AGXT2: variants seen among roughly 807,000 people sequenced by gnomAD.
AGXT2 encodes the protein alanine--glyoxylate aminotransferase 2, also known as alanine--glyoxylate aminotransferase 2, mitochondrial.
In AGXT2, 61 loss-of-function variants were observed where a neutral mutation model predicts 62.5. That is an observed-to-expected ratio of 0.98 (90% CI 0.79 to 1.21). The LOEUF is 1.21. AGXT2 is among the 50% of genes most tolerant of loss of function. The pLI is 0.00. For missense variants in AGXT2, 666 were observed against 641.5 expected (o/e 1.04, Z -0.41); for synonymous variants, 243 against 218.7 (o/e 1.11, Z -0.98).
chr5:35,047,527 A>AC (rs1768286155), intron 1 of AGXT2, among the ~76,000 whole-genome samples: 1 of 152,220 alleles, frequency 6.6e-6, no homozygotes, highest in Non-Finnish European at 1.5e-5. Context: ...GGTTTTTAAA[A>AC]ATATTGAAGC....
At position 35,035,286 on chromosome 5, in the gene AGXT2, C is replaced by T. The variant is rs1767719470; in HGVS notation, c.517G>A (p.Ala173Thr). Reference protein sequence around the residue: ...VIFLVNSGSEANELAMLMARA... With the variant: ...VIFLVNSGSETNELAMLMARA... ...GCCATCAGCATGGCCAGCTCATTGG[C>T]TTCTGAGCCACTGTTCACCAAGAAA... The change falls in exon 5 of 14, where the codon GCC (alanine) becomes ACC (threonine). Residue 173 changes from alanine to threonine, a missense_variant. By Grantham distance (58) the Ala-to-Thr change is moderately conservative (BLOSUM62 0). Transcript: ENST00000231420. 6.2e-7 allele frequency: 1 copy of T among 1,614,022 alleles called. No individual in the cohort carries two copies. The highest frequency in any genetic ancestry group is 8.5e-7 in the Non-Finnish European group (1 of 1,179,984).
intron 7 of AGXT2, chr5:35,027,040 G>A (rs1580596205): frequency 1.0e-6 from 1 of 985,104 alleles, no homozygotes; most frequent in Non-Finnish European, 1.2e-6. Flanking sequence ...GAGCTAGGTG[G>A]CTTCCATCCA....
rs146067023 is a variant in AGXT2, at chr5:35,041,372, C to G, written c.89-709G>C. Reference sequence around the variant, plus strand: ...AATGCATACTTTATAGATAAGGAAACCAGCGTAAAGTGGTAAATTAATCTG... The same window carrying G: ...AATGCATACTTTATAGATAAGGAAAGCAGCGTAAAGTGGTAAATTAATCTG... On this transcript the variant is annotated intron_variant, in intron 1 of 13. Transcript: ENST00000231420. 6.5e-3 allele frequency among the ~76,000 whole-genome samples: 980 copies of G among 151,712 alleles called. 9 individuals are homozygous for G. The highest frequency in any genetic ancestry group is 0.022 in the African/African-American group (927 of 41,374).
chr5:35,021,112 C>T (rs1767062545), intron 9 of AGXT2, among the ~76,000 whole-genome samples: 2 of 152,062 alleles, frequency 1.3e-5, no homozygotes, highest in South Asian at 2.1e-4. Context: ...TGCTCATGGG[C>T]AGGAAGAATC....
At chr5:35,002,362 G>C (rs1233542053) in intron 13 of AGXT2, among the ~76,000 whole-genome samples, 1 of 152,178 alleles carries the variant, frequency 6.6e-6, no homozygotes, top group Non-Finnish European at 1.5e-5. Flanking sequence ...CTTGAGTGAA[G>C]GTGGAGGGAG....
intron 11 of AGXT2, 34 bp from the exon 12 acceptor site, chr5:35,010,183 G>A: frequency 6.2e-7 from 1 of 1,613,594 alleles, no homozygotes; most frequent in South Asian, 1.1e-5. Context: ...ATCTTACATG[G>A]CAGAAGTTCT....
intron 6 of AGXT2, 85 bp downstream of exon 6, chr5:35,033,375 T>G: frequency 9.1e-7 from 1 of 1,099,850 alleles, no homozygotes; most frequent in South Asian, 1.3e-5. Flanking sequence ...TATTAGTTTC[T>G]AATCCTTATA....
At chr5:35,013,200 G>A (rs1358794604) in intron 10 of AGXT2, among the ~76,000 whole-genome samples, 155 bp from the exon 11 acceptor site, 1 of 152,236 alleles carries the variant, frequency 6.6e-6, no homozygotes, top group Non-Finnish European at 1.5e-5. Flanking sequence ...GGACTGAATT[G>A]TATCGCCTCA....
chr5:35,034,659 G>A (rs1408972649), intron 5 of AGXT2, among the ~76,000 whole-genome samples: 1 of 152,144 alleles, frequency 6.6e-6, no homozygotes, highest in East Asian at 1.9e-4. Flanking sequence ...TGCTAATGTA[G>A]CCATTAAGGG....
intron 4 of AGXT2, 106 bp from the exon 5 acceptor site, chr5:35,035,422 T>C (rs1437723805): frequency 2.3e-5 from 21 of 907,116 alleles, no homozygotes; most frequent in Non-Finnish European, 3.6e-5. Flanking sequence ...TTAAGGAGAG[T>C]TCCCTTCAGA....
At chr5:35,010,180 A>G (rs1181321704) in intron 11 of AGXT2, 31 bp from the exon 12 acceptor site, 15 of 1,613,952 alleles carry the variant, frequency 9.3e-6, no homozygotes, top group South Asian at 4.4e-5. Flanking sequence ...ATGATCTTAC[A>G]TGGCAGAAGT....
intron 11 of AGXT2, chr5:35,012,683 A>C: frequency 2.2e-6 from 1 of 448,714 alleles, no homozygotes; most frequent in Admixed American, 3.5e-5. Flanking sequence ...AAGATAACAA[A>C]GAAATTTCAG....
intron 7 of AGXT2, among the ~76,000 whole-genome samples, chr5:35,028,294 T>C (rs560193420): frequency 2.6e-5 from 4 of 152,318 alleles, no homozygotes; most frequent in Admixed American, 1.3e-4. Context: ...GCTATCATGT[T>C]ACCAGTACTA....
chr5:35,025,984 G>C (rs148285113), intron 8 of AGXT2, 129 bp from the exon 9 acceptor site: 5 of 801,454 alleles, frequency 6.2e-6, no homozygotes, highest in Non-Finnish European at 1.1e-5. Flanking sequence ...ACAGTCTGTA[G>C]AACAGTTTCC....
At chr5:35,028,727 A>G (rs1321297373) in intron 7 of AGXT2, among the ~76,000 whole-genome samples, 1 of 152,218 alleles carries the variant, frequency 6.6e-6, no homozygotes, top group Admixed American at 6.5e-5. Flanking sequence ...AAACAGTACC[A>G]TGCAGTCTCT....
intron 11 of AGXT2, among the ~76,000 whole-genome samples, 176 bp from the exon 12 acceptor site, chr5:35,010,325 C>T (rs1011409807): frequency 1.3e-5 from 2 of 152,152 alleles, no homozygotes; most frequent in African/African-American, 4.8e-5. Context: ...GAAGAAAAGT[C>T]TTAGGGGAGG....
chr5:35,023,836 G>A (rs975991876), intron 9 of AGXT2, among the ~76,000 whole-genome samples: 2 of 151,980 alleles, frequency 1.3e-5, no homozygotes, highest in Non-Finnish European at 2.9e-5. Flanking sequence ...CTGCTGATGT[G>A]ACAGCTCAGT....
intron 1 of AGXT2, among the ~76,000 whole-genome samples, chr5:35,041,733 G>T (rs1159309094): frequency 6.6e-6 from 1 of 152,178 alleles, no homozygotes; most frequent in African/African-American, 2.4e-5. Context: ...TTAGTGCTTT[G>T]TGTGGCTATG....
rs114966804 is a variant in AGXT2, at chr5:35,008,415, C to T, written c.1338+1585G>A. Among the ~76,000 whole-genome samples the T allele has an allele frequency of 5.4e-3, 827 of 152,254 alleles. 7 individuals are homozygous for T. The highest frequency in any genetic ancestry group is 0.019 in the African/African-American group (788 of 41,550). On this transcript the variant is annotated intron_variant, in intron 12 of 13. Transcript: ENST00000231420. ...GAAGAACTCCTCCTCTCTCATTGGG[C>T]TTTCCTCTCTCAAGTCTACACTTTG...
Sources: allele counts gnomAD v4.1 joint callset (sites outside exome capture counted in the v4.1 genomes callset), GRCh38; gene constraint gnomAD v4.1.1; transcripts MANE v1.5; gene names NCBI Gene and HGNC (gene_info 2026-07-23, HGNC 2026-07-21).